MCU: variants seen among roughly 807,000 people sequenced by gnomAD.
MCU encodes the protein mitochondrial calcium uniporter, also known as calcium uniporter protein, mitochondrial.
MCU carries 12 observed loss-of-function variants against 45.2 expected under a neutral mutation model. The observed-to-expected ratio is 0.27, with a 90% confidence interval of 0.17 to 0.43. The LOEUF (loss-of-function observed/expected upper bound fraction) is 0.43. Ranked by LOEUF, MCU falls within the 20% of genes least tolerant of loss-of-function variation. The pLI, the probability that MCU is intolerant of heterozygous loss-of-function variation, is 1.00. For synonymous variants in MCU, 160 were observed against 165.1 expected, an observed-to-expected ratio of 0.97 and a Z score of 0.24; for missense variants, 324 against 436.7, an observed-to-expected ratio of 0.74 and a Z score of 2.30.
intron 1 of MCU, among the ~76,000 whole-genome samples, chr10:72,765,658 G>C (rs939361657): frequency 6.6e-6 from 1 of 151,640 alleles, no homozygotes; most frequent in Non-Finnish European, 1.5e-5. Context: ...GCCAGGCATG[G>C]TGGCACGTAT....
intron 1 of MCU, among the ~76,000 whole-genome samples, chr10:72,748,333 CCACCG>C (rs1843444269): frequency 6.6e-6 from 1 of 152,226 alleles, no homozygotes; most frequent in Non-Finnish European, 1.5e-5. Flanking sequence ...CAGGCGTGTG[CCACCG>C]CACCGGCCAA....
intron 1 of MCU, among the ~76,000 whole-genome samples, chr10:72,749,050 C>T (rs1843457076): frequency 6.6e-6 from 1 of 151,996 alleles, no homozygotes; most frequent in African/African-American, 2.4e-5. Flanking sequence ...TTGTTTGAGC[C>T]CAGGAGTTCA....
intron 1 of MCU, chr10:72,693,099 T>C: frequency 2.0e-6 from 3 of 1,534,182 alleles, no homozygotes; most frequent in Non-Finnish European, 2.6e-6. Flanking sequence ...GATTTGGTGG[T>C]TGTATTAACC....
intron 1 of MCU, among the ~76,000 whole-genome samples, chr10:72,707,606 GGTGTGTGTGTGTGTGTGTGTGTGT>G (rs373225323): frequency 2.2e-5 from 3 of 134,958 alleles, no homozygotes; most frequent in African/African-American, 9.5e-5. Context: ...CGTGGTGAGT[GGTGTGTGTGTGTGTGTGTGTGTGT>G]GTGTGTGTGT....
chr10:72,699,513 AG>A (rs201225326), intron 1 of MCU, among the ~76,000 whole-genome samples: 2 of 151,936 alleles, frequency 1.3e-5, no homozygotes, highest in Non-Finnish European at 2.9e-5. Context: ...TCCCGGAAAA[AG>A]GGAAAAAAAA....
chr10:72,817,909 A>G (rs1192733605), intron 1 of MCU, among the ~76,000 whole-genome samples: 2 of 152,200 alleles, frequency 1.3e-5, no homozygotes, highest in African/African-American at 4.8e-5. Context: ...GTGGCTTTGC[A>G]TGTACTAAGT....
At chr10:72,789,905 A>G (rs1844132487) in intron 1 of MCU, among the ~76,000 whole-genome samples, 1 of 152,208 alleles carries the variant, frequency 6.6e-6, no homozygotes, top group Non-Finnish European at 1.5e-5. Context: ...ACCATACAAT[A>G]TGGAGCACAG....
In MCU at chr10:72,859,196, A is replaced by G. The variant is rs1338071119; in HGVS notation, c.240A>G (p.Gln80=). 1 of 1,599,680 alleles carries G rather than the reference A, an allele frequency of 6.3e-7. No individual in the cohort carries two copies. The highest frequency in any genetic ancestry group is 8.5e-7 in the Non-Finnish European group (1 of 1,173,934). ...ATTCAGATGTTACAGTGGTTTATCA[A>G]AATGGGTTACCTGTGATATCTGTGA... The part of the protein sequence containing the change: ...VPSDDVTVVY[Q]NGLPVISVRL... Residue 80 remains glutamine, a synonymous_variant, in exon 3 of 8, where the codon CAA becomes CAG. Transcript: ENST00000373053.
At chr10:72,882,283 A>G (rs1845714383) in intron 6 of MCU, among the ~76,000 whole-genome samples, 1 of 152,182 alleles carries the variant, frequency 6.6e-6, no homozygotes, top group South Asian at 2.1e-4. Flanking sequence ...ACAATATGAA[A>G]TCTGGGCACC....
At chr10:72,695,401 A>G (rs989990164) in intron 1 of MCU, among the ~76,000 whole-genome samples, 1 of 152,220 alleles carries the variant, frequency 6.6e-6, no homozygotes. Context: ...AGTTCCTCAT[A>G]GTCTGGCCCA....
At chr10:72,848,095 G>A (rs975500051) in intron 2 of MCU, among the ~76,000 whole-genome samples, 23 of 152,294 alleles carry the variant, frequency 1.5e-4, no homozygotes, top group African/African-American at 5.5e-4. Context: ...CACAGGGCAT[G>A]AATATAGACA....
intron 1 of MCU, among the ~76,000 whole-genome samples, chr10:72,802,826 A>G (rs894397412): frequency 6.6e-6 from 1 of 152,186 alleles, no homozygotes; most frequent in Non-Finnish European, 1.5e-5. Flanking sequence ...AATCTGTTAA[A>G]TCCTTTACAA....
intron 1 of MCU, among the ~76,000 whole-genome samples, chr10:72,768,654 C>G (rs952161416): frequency 4.6e-4 from 70 of 152,088 alleles, no homozygotes; most frequent in Non-Finnish European, 5.6e-4. Context: ...TTCATTGCCT[C>G]TAAGATGCCA....
At chr10:72,766,736 A>C (rs931109785) in intron 1 of MCU, 2 of 152,186 alleles carry the variant, frequency 1.3e-5, no homozygotes, top group African/African-American at 2.4e-5. Context: ...TTATTGATCA[A>C]TTATGATTGA....
At chr10:72,813,450 CTTT>C (rs71021537) in intron 1 of MCU, among the ~76,000 whole-genome samples, 1,629 of 75,946 alleles carry the variant, frequency 0.021, 2 homozygotes, top group Non-Finnish European at 0.033. Context: ...CCAGCTCTCT[CTTT>C]TTTTTTTTTT....
At chr10:72,717,397 T>A (rs1195269239) in intron 1 of MCU, among the ~76,000 whole-genome samples, 1 of 152,046 alleles carries the variant, frequency 6.6e-6, no homozygotes, top group Non-Finnish European at 1.5e-5. Flanking sequence ...GTAGCTGGGT[T>A]ATAGGCGCCC....
chr10:72,854,553 T>A (rs577123732), intron 2 of MCU, among the ~76,000 whole-genome samples: 1 of 152,298 alleles, frequency 6.6e-6, no homozygotes, highest in East Asian at 1.9e-4. Context: ...TAAAGTGATA[T>A]TATATTATTT....
At chr10:72,822,700 T>A (rs1312137258) in intron 1 of MCU, among the ~76,000 whole-genome samples, 1 of 152,032 alleles carries the variant, frequency 6.6e-6, no homozygotes, top group Admixed American at 6.5e-5. Context: ...TAGGACTGGG[T>A]GAAGTGGCTG....
chr10:72,722,283 T>A (rs1275999063), intron 1 of MCU, among the ~76,000 whole-genome samples: 1 of 115,938 alleles, frequency 8.6e-6, no homozygotes, highest in Non-Finnish European at 1.6e-5. Context: ...ACCTTTGCAC[T>A]CCAGCCTGGG....
Sources: gnomAD v4.1 joint callset for allele counts (sites outside exome capture counted in the v4.1 genomes callset) on GRCh38, gnomAD v4.1.1 for gene constraint, MANE v1.5 for transcripts, NCBI Gene and HGNC (gene_info 2026-07-23, HGNC 2026-07-21) for gene names.